Variants in SPTLC2 observed in about 807,000 individuals in gnomAD.
SPTLC2 encodes the protein serine palmitoyltransferase long chain base subunit 2.
A neutral mutation model predicts 62.0 loss-of-function variants in SPTLC2; 21 were observed. That is an observed-to-expected ratio of 0.34 (90% CI 0.24 to 0.49). The LOEUF (loss-of-function observed/expected upper bound fraction) is 0.49, where lower values mean the gene tolerates loss of function less well. Ranked by LOEUF, SPTLC2 falls within the 20% of genes least tolerant of loss-of-function variation. The pLI is 0.99. For missense variants in SPTLC2, 511 were observed against 713.0 expected, an observed-to-expected ratio of 0.72 and a Z score of 3.23; for synonymous variants, 261 against 261.8, an observed-to-expected ratio of 1.00 and a Z score of 0.03.
intron 2 of SPTLC2, among the ~76,000 whole-genome samples, chr14:77,582,415 A>C (rs1372361311): frequency 6.6e-6 from 1 of 152,188 alleles, no homozygotes; most frequent in African/African-American, 2.4e-5. Context: ...ATTAACTCCA[A>C]TATTAAGAGA....
chr14:77,517,881 G>A (rs568781786), intron 11 of SPTLC2, among the ~76,000 whole-genome samples, 157 bp downstream of exon 11: 2 of 152,270 alleles, frequency 1.3e-5, no homozygotes, highest in East Asian at 3.9e-4. Context: ...GTGGGTGACA[G>A]TTTTTTTGTA....
intron 2 of SPTLC2, among the ~76,000 whole-genome samples, chr14:77,595,062 C>G (rs995637043): frequency 1.3e-5 from 2 of 151,986 alleles, no homozygotes; most frequent in Non-Finnish European, 2.9e-5. Context: ...GAAGGGGGAT[C>G]AAAACGTATT....
At chr14:77,580,629 G>A (rs2079744704) in intron 2 of SPTLC2, among the ~76,000 whole-genome samples, 1 of 151,556 alleles carries the variant, frequency 6.6e-6, no homozygotes, top group Admixed American at 6.6e-5. Context: ...AAGCTAAGGT[G>A]GAAGGATCGC....
chr14:77,566,553 C>T (rs2079646014), intron 5 of SPTLC2, among the ~76,000 whole-genome samples: 1 of 152,116 alleles, frequency 6.6e-6, no homozygotes, highest in Non-Finnish European at 1.5e-5. Context: ...GCAAGCTCCG[C>T]CTCCCGGGTT....
intron 11 of SPTLC2, among the ~76,000 whole-genome samples, chr14:77,515,990 GTGTGTGTGTGTGTGTGCGCGCGCGCGCA>G (rs956390857): frequency 5.6e-4 from 11 of 19,646 alleles, no homozygotes; most frequent in Non-Finnish European, 3.1e-3. Context: ...AGCTCTAGCT[GTGTGTGTGTGTGTGTGCGCGCGCGCGCA>G]TGTGTGTGTG....
intron 7 of SPTLC2, among the ~76,000 whole-genome samples, chr14:77,556,075 C>T (rs2079581738): frequency 1.3e-5 from 2 of 152,070 alleles, no homozygotes; most frequent in African/African-American, 4.8e-5. Context: ...GTAATCCCAG[C>T]ACTTTGGTGG....
chr14:77,599,258 T>C (rs753038093), intron 1 of SPTLC2, among the ~76,000 whole-genome samples: 20 of 152,338 alleles, frequency 1.3e-4, no homozygotes, highest in Non-Finnish European at 2.4e-4. Flanking sequence ...GCAGTGAGGA[T>C]GGTTAAACAA....
chr14:77,614,965 G>C (rs1229830292), intron 1 of SPTLC2, among the ~76,000 whole-genome samples: 7 of 145,298 alleles, frequency 4.8e-5, no homozygotes, highest in African/African-American at 2.6e-5. Flanking sequence ...GAGCAAAACT[G>C]TCTGAAAAAA....
In SPTLC2 at chr14:77,509,641, CTG is replaced by C; in HGVS notation, c.*2641_*2642del. 1 of 364,586 alleles carries C rather than the reference CTG, an allele frequency of 2.7e-6. No individual in the cohort carries two copies. The highest frequency in any genetic ancestry group is 4.9e-6 in the Non-Finnish European group (1 of 205,256). 22.6% of individuals were successfully genotyped at this position (364,586 alleles called of 1,614,324 possible). ...CCTCAAATCGACTTATTCTCAATGA[CTG>C]TATTTATATATACTTGTATTCCTCC... is the stretch of plus-strand genomic sequence containing the variant. On this transcript the variant is annotated 3_prime_UTR_variant, in exon 12 of 12. Coordinates refer to ENST00000216484, the MANE Select transcript of SPTLC2 (RefSeq NM_004863.4).
chr14:77,578,155 A>C (rs139469733), intron 3 of SPTLC2, among the ~76,000 whole-genome samples: 16 of 152,128 alleles, frequency 1.1e-4, no homozygotes, highest in African/African-American at 3.6e-4. Context: ...AAATAAATGA[A>C]TAAGTAAACA....
At chr14:77,612,152 G>A (rs1212807341) in intron 1 of SPTLC2, among the ~76,000 whole-genome samples, 2 of 152,180 alleles carry the variant, frequency 1.3e-5, no homozygotes. Flanking sequence ...CACTCAGAAT[G>A]CAAACAGTGC....
At chr14:77,542,501 A>G (rs918735047) in intron 9 of SPTLC2, among the ~76,000 whole-genome samples, 1 of 152,218 alleles carries the variant, frequency 6.6e-6, no homozygotes, top group Non-Finnish European at 1.5e-5. Flanking sequence ...AGGAAGCAAG[A>G]GTTCAGTAAT....
chr14:77,521,396 C>G (rs760739450), intron 10 of SPTLC2, 50 bp downstream of exon 10: 2 of 1,613,002 alleles, frequency 1.2e-6, no homozygotes, highest in African/African-American at 2.7e-5. Context: ...GGTCTCACAT[C>G]ACAGATAAGG....
chr14:77,552,137 G>T lies in SPTLC2; in HGVS notation c.1262C>A (p.Thr421Asn). Residue 421 changes from threonine (T) to asparagine (N), a missense_variant, in exon 9 of 12, where the codon ACC becomes AAC. By Grantham distance (65) the Thr-to-Asn change is moderately conservative. Transcript: ENST00000216484. ...LSPPVVEQII[T>N]SMKCIMGQDG... ...CTGCCCCATGATGCACTTCATGGAGGTGATGATCTGCTCCACTACAGGAGG... is the reference window on the plus strand; with the variant it reads ...CTGCCCCATGATGCACTTCATGGAGTTGATGATCTGCTCCACTACAGGAGG... 1 of 1,614,174 alleles carries T rather than the reference G, an allele frequency of 6.2e-7. No individual in the cohort carries two copies. Among genetic ancestry groups the T allele is most frequent in the African/African-American group, 1.3e-5 (1 of 75,066 alleles).
chr14:77,563,771 G>A (rs573084277), intron 5 of SPTLC2, among the ~76,000 whole-genome samples: 1 of 152,224 alleles, frequency 6.6e-6, no homozygotes, highest in East Asian at 1.9e-4. Context: ...AAATCCACGT[G>A]TAAGTGGACC....
intron 1 of SPTLC2, among the ~76,000 whole-genome samples, chr14:77,616,181 G>T (rs1373874606): frequency 3.3e-5 from 5 of 152,206 alleles, no homozygotes; most frequent in African/African-American, 1.2e-4. Context: ...GCAGAATGGG[G>T]CAGAGAAAAG....
Position 77,567,823 on chromosome 14 carries a change from A to G in SPTLC2, c.756+2561T>C, listed in dbSNP as rs1301328988. 3.0e-5 allele frequency among the ~76,000 whole-genome samples: 4 copies of G among 133,338 alleles called. No individual in the cohort carries two copies. The East Asian group carries it at 1.1e-3, about 36-fold the overall frequency. 87.5% of individuals were successfully genotyped at this position (133,338 alleles called of 152,430 possible). A position where few individuals can be genotyped will look rare whatever the true frequency, so the allele number is the denominator to read the frequency against. ...TTTTCTTTTTCTAATTTTTTAAGCTACAAGCTTTACTTTTTTTTTTTAAGA... is the reference window on the plus strand; with the variant it reads ...TTTTCTTTTTCTAATTTTTTAAGCTGCAAGCTTTACTTTTTTTTTTTAAGA... On this transcript the variant is annotated intron_variant, in intron 5 of 11. Coordinates refer to ENST00000216484, the MANE Select transcript of SPTLC2 (RefSeq NM_004863.4).
At chr14:77,572,837 T>G (rs1045298689) in intron 4 of SPTLC2, among the ~76,000 whole-genome samples, 2 of 152,216 alleles carry the variant, frequency 1.3e-5, no homozygotes, top group African/African-American at 4.8e-5. Context: ...TTCTGCAGCT[T>G]CCTTACCTCT....
chr14:77,598,891 T>C (rs1014763535), intron 1 of SPTLC2, among the ~76,000 whole-genome samples: 1 of 148,654 alleles, frequency 6.7e-6, no homozygotes, highest in Non-Finnish European at 1.5e-5. Context: ...GCCATGATCA[T>C]GCCACTTCCC....
Sources: allele counts gnomAD v4.1 joint callset (sites outside exome capture counted in the v4.1 genomes callset), GRCh38; gene constraint gnomAD v4.1.1; transcripts MANE v1.5; gene names NCBI Gene and HGNC (gene_info 2026-07-23, HGNC 2026-07-21).